Variants in B3GALT1 observed in about 807,000 individuals in gnomAD.
B3GALT1 encodes UDP-Gal:betaGlcNAc beta 1,3-galactosyltransferase, polypeptide 1.
Under a neutral mutation model 23.2 loss-of-function variants are expected in B3GALT1, and 10 were observed. The ratio of observed to expected loss-of-function variants is 0.43; its 90% CI spans 0.27 to 0.73. The LOEUF is 0.73. Ranked by LOEUF, B3GALT1 falls within the 30% of genes least tolerant of loss-of-function variation. B3GALT1 has a pLI of 0.21. For synonymous variants in B3GALT1, 156 were observed against 141.5 expected (o/e 1.10, Z -0.73); for missense variants, 299 against 405.4 (o/e 0.74, Z 2.25).
At position 167,684,487 on chromosome 2, in the gene B3GALT1, A is replaced by G. The variant is rs572045611; in HGVS notation, c.-352+37521A>G. On this transcript the variant is annotated intron_variant, in intron 3 of 4. Coordinates refer to ENST00000392690, the MANE Select transcript of B3GALT1 (RefSeq NM_020981.4). The stretch of plus-strand genomic sequence containing the variant: ...CCCTCTCACCTTTTTTCAGATCATT[A>G]TGCCTTTCTGGTCCTATTTTTGTTA... Among the ~76,000 whole-genome samples, 4 of 152,268 alleles carry G rather than the reference A, an allele frequency of 2.6e-5. No homozygotes were observed. In the South Asian group the frequency reaches 8.3e-4, roughly 32 times the overall value.
intron 3 of B3GALT1, among the ~76,000 whole-genome samples, chr2:167,675,717 T>C (rs1686412256): frequency 6.6e-6 from 1 of 152,192 alleles, no homozygotes; most frequent in African/African-American, 2.4e-5. Flanking sequence ...GTAGCTCCAC[T>C]ACTGAGAAAT....
chr2:167,512,607 T>TATGTATATATATATGC (rs1558887854), intron 2 of B3GALT1, among the ~76,000 whole-genome samples: 1 of 80,270 alleles, frequency 1.2e-5, no homozygotes, highest in African/African-American at 6.2e-5. Context: ...TATATATATA[T>TATGTATATATATATGC]GTATATATAT....
At chr2:167,486,853 A>T (rs1306887435) in intron 1 of B3GALT1, among the ~76,000 whole-genome samples, 5 of 150,820 alleles carry the variant, frequency 3.3e-5, no homozygotes, top group African/African-American at 1.2e-4. Flanking sequence ...GGGAGAGTAG[A>T]AATTGGAGAA....
intron 2 of B3GALT1, among the ~76,000 whole-genome samples, chr2:167,591,741 G>A (rs571786584): frequency 6.6e-6 from 1 of 152,234 alleles, no homozygotes; most frequent in South Asian, 2.1e-4. Flanking sequence ...CTAAAGTGGT[G>A]GGATTACAGG....
At chr2:167,566,467 A>C (rs1197159337) in intron 2 of B3GALT1, among the ~76,000 whole-genome samples, 1 of 152,034 alleles carries the variant, frequency 6.6e-6, no homozygotes, top group Non-Finnish European at 1.5e-5. Context: ...TAACCTGCAC[A>C]TTGTGCACAT....
intron 2 of B3GALT1, among the ~76,000 whole-genome samples, chr2:167,587,414 A>C (rs1684601497): frequency 6.6e-6 from 1 of 152,224 alleles, no homozygotes; most frequent in African/African-American, 2.4e-5. Context: ...TGTAAAACTC[A>C]TACAAACTTA....
At chr2:167,845,586 G>T (rs1689739578) in intron 4 of B3GALT1, among the ~76,000 whole-genome samples, 1 of 152,140 alleles carries the variant, frequency 6.6e-6, no homozygotes, top group South Asian at 2.1e-4. Context: ...TGGGACAAAA[G>T]AATCTGAACA....
intron 2 of B3GALT1, among the ~76,000 whole-genome samples, chr2:167,511,105 T>C (rs1212005985): frequency 6.6e-6 from 1 of 152,218 alleles, no homozygotes; most frequent in African/African-American, 2.4e-5. Context: ...AGAAGGATGT[T>C]TGTTGTAGTG....
intron 1 of B3GALT1, among the ~76,000 whole-genome samples, chr2:167,392,519 T>G (rs989565679): frequency 6.6e-6 from 1 of 152,172 alleles, no homozygotes; most frequent in African/African-American, 2.4e-5. Context: ...CTGTCCATGC[T>G]AGGAAAGGTC....
At chr2:167,722,317 A>G (rs1687247533) in intron 3 of B3GALT1, among the ~76,000 whole-genome samples, 1 of 152,186 alleles carries the variant, frequency 6.6e-6, no homozygotes. Context: ...TTTTGACATA[A>G]CAGTGAATTA....
chr2:167,410,383 C>T (rs930224612), intron 1 of B3GALT1, among the ~76,000 whole-genome samples: 3 of 151,474 alleles, frequency 2.0e-5, no homozygotes, highest in East Asian at 1.9e-4. Context: ...CACAGCTACT[C>T]GGGAGGCTGA....
At chr2:167,817,562 CAG>C (rs10585259) in intron 3 of B3GALT1, among the ~76,000 whole-genome samples, 4,453 of 152,194 alleles carry the variant, frequency 0.029, 231 homozygotes, top group African/African-American at 0.1. Flanking sequence ...ATCATAGAAA[CAG>C]AGAGTCTTTT....
rs139185108 is a variant in B3GALT1, at chr2:167,364,325, C to CAT, written c.-511+71003_-511+71004dup. On this transcript the variant is annotated intron_variant, in intron 1 of 4. Coordinates refer to ENST00000392690, the MANE Select transcript of B3GALT1 (RefSeq NM_020981.4). Reference sequence around the variant, plus strand: ...TAGCAAGGTGTTCTCATACTGTTTTCATATATATATATAGTTTTTTTTTTC... The same window carrying CAT: ...TAGCAAGGTGTTCTCATACTGTTTTCATATATATATATATAGTTTTTTTTTTC... 4.4e-3 allele frequency among the ~76,000 whole-genome samples: 231 copies of CAT among 52,000 alleles called. 1 individual carries two copies. Among genetic ancestry groups the CAT allele is most frequent in the East Asian group, 0.022 (22 of 1,002 alleles). The allele number at this position is 52,000 out of a possible 152,430, so 34.1% of individuals were successfully genotyped here.
intron 2 of B3GALT1, among the ~76,000 whole-genome samples, chr2:167,603,223 T>C (rs1487845221): frequency 6.6e-6 from 1 of 152,138 alleles, no homozygotes; most frequent in Non-Finnish European, 1.5e-5. Flanking sequence ...CTTCTCAGCT[T>C]TTCCACCTCT....
chr2:167,690,819 G>A (rs988576086), intron 3 of B3GALT1, among the ~76,000 whole-genome samples: 2 of 152,080 alleles, frequency 1.3e-5, no homozygotes, highest in Admixed American at 6.6e-5. Context: ...TTCAATAGAA[G>A]CTTTGCTTTG....
rs1699518627 is a variant in B3GALT1, at chr2:167,478,537, C to A, written c.-510-11640C>A. Among the ~76,000 whole-genome samples the A allele has an allele frequency of 2.0e-5, 3 of 148,488 alleles. No homozygotes were observed. The South Asian group carries it at 6.6e-4, about 32-fold the overall frequency. ...AACAAAAGCAAATGGCAGTGTGAAA[C>A]CAACTTTCTTTTTTTTTTAGGGTTA... On this transcript the variant is annotated intron_variant, in intron 1 of 4. Transcript: ENST00000392690.
intron 2 of B3GALT1, among the ~76,000 whole-genome samples, chr2:167,602,692 T>C (rs1182141540): frequency 1.3e-5 from 2 of 152,206 alleles, no homozygotes; most frequent in Admixed American, 1.3e-4. Flanking sequence ...CCTAATGATA[T>C]ACATGTTACC....
chr2:167,582,352 C>T (rs892310914), intron 2 of B3GALT1, among the ~76,000 whole-genome samples: 8 of 152,122 alleles, frequency 5.3e-5, no homozygotes, highest in East Asian at 1.9e-4. Flanking sequence ...TAGTAATAAG[C>T]GTTATGAGAC....
intron 1 of B3GALT1, among the ~76,000 whole-genome samples, chr2:167,358,611 T>C (rs1697453446): frequency 7.4e-6 from 1 of 135,920 alleles, no homozygotes; most frequent in Non-Finnish European, 1.6e-5. Flanking sequence ...TCAAATCTTG[T>C]ACTCATCAAA....
Sources: gnomAD v4.1 joint callset for allele counts (sites outside exome capture counted in the v4.1 genomes callset) on GRCh38, gnomAD v4.1.1 for gene constraint, MANE v1.5 for transcripts, NCBI Gene and HGNC (gene_info 2026-07-23, HGNC 2026-07-21) for gene names.